Variants in SUGCT observed in about 807,000 individuals in gnomAD.
SUGCT encodes the protein succinyl-CoA:glutarate CoA-transferase.
A neutral mutation model predicts 55.0 loss-of-function variants in SUGCT; 41 were observed. That is an observed-to-expected ratio of 0.74 (90% CI 0.58 to 0.97). The LOEUF (loss-of-function observed/expected upper bound fraction) is 0.97. Among genes scored for constraint, SUGCT ranks in the 50% least tolerant of loss-of-function variants. SUGCT has a pLI of 0.00. For synonymous variants in SUGCT, 187 were observed against 200.4 expected (o/e 0.93, Z 0.56); for missense variants, 568 against 547.8 (o/e 1.04, Z -0.37).
In SUGCT at chr7:40,235,310, T is replaced by G. The variant is rs373058065; in HGVS notation, c.485-2325T>G. Among the ~76,000 whole-genome samples the G allele has an allele frequency of 8.7e-4, 133 of 152,256 alleles. No homozygotes were observed. The South Asian group carries it at 0.026, about 30-fold the overall frequency. On this transcript the variant is annotated intron_variant, in intron 6 of 13. Coordinates refer to ENST00000335693, the MANE Select transcript of SUGCT (RefSeq NM_001193313.2). ...TTTTATTTATTTACTTTTTATAGAT[T>G]GTTTTTGAAAAAAATTTTTGTTATT...
At chr7:40,840,104 C>T (rs1282518446) in intron 13 of SUGCT, among the ~76,000 whole-genome samples, 2 of 152,112 alleles carry the variant, frequency 1.3e-5, no homozygotes, top group Non-Finnish European at 2.9e-5. Flanking sequence ...AGTTTTCTAG[C>T]ATGCCAACTC....
At chr7:40,511,061 C>T (rs1193391482) in intron 12 of SUGCT, among the ~76,000 whole-genome samples, 1 of 152,134 alleles carries the variant, frequency 6.6e-6, no homozygotes, top group Non-Finnish European at 1.5e-5. Context: ...AGTGCTGTTG[C>T]TGTGTACATA....
At chr7:40,875,566 C>A in the SUGCT span, among the ~76,000 whole-genome samples, 1 of 152,218 alleles carries the variant, frequency 6.6e-6, no homozygotes, top group African/African-American at 2.4e-5. Context: ...CACTAGAAAT[C>A]AACCTGAAGT....
At chr7:40,356,140 AT>A (rs1797877330) in intron 9 of SUGCT, among the ~76,000 whole-genome samples, 2 of 152,250 alleles carry the variant, frequency 1.3e-5, no homozygotes, top group South Asian at 4.1e-4. Context: ...TCATGTGGGA[AT>A]GGAAATCTCA....
intron 11 of SUGCT, among the ~76,000 whole-genome samples, chr7:40,473,483 A>G (rs1017484653): frequency 6.6e-6 from 1 of 152,076 alleles, no homozygotes; most frequent in Admixed American, 6.6e-5. Flanking sequence ...TTCCCACTCC[A>G]TGTTTCTAAG....
At chr7:40,546,795 T>C in intron 12 of SUGCT, 1 of 152,242 alleles carries the variant, frequency 6.6e-6, no homozygotes, top group East Asian at 1.9e-4. Context: ...TTTTCACGGA[T>C]TCCACCCCAG....
intron 12 of SUGCT, among the ~76,000 whole-genome samples, chr7:40,726,874 A>G (rs1170835978): frequency 1.3e-5 from 2 of 152,206 alleles, no homozygotes; most frequent in Non-Finnish European, 2.9e-5. Context: ...GTGCACTAAG[A>G]CAACAAAGAA....
chr7:40,201,096 A>G (rs1054446121), intron 6 of SUGCT, among the ~76,000 whole-genome samples: 17 of 152,214 alleles, frequency 1.1e-4, no homozygotes, highest in Non-Finnish European at 1.8e-4. Context: ...TTAGAATAGG[A>G]TCTGCAAATC....
intron 12 of SUGCT, among the ~76,000 whole-genome samples, chr7:40,689,817 A>G (rs1030602591): frequency 2.0e-5 from 3 of 152,132 alleles, no homozygotes; most frequent in African/African-American, 7.2e-5. Flanking sequence ...TGAGTGAGTC[A>G]TAAGGATTAG....
At chr7:40,480,746 ATTG>A (rs1163543102) in intron 11 of SUGCT, among the ~76,000 whole-genome samples, 3 of 151,256 alleles carry the variant, frequency 2.0e-5, no homozygotes, top group Admixed American at 1.3e-4. Flanking sequence ...TTTTTTCCCT[ATTG>A]TTTAATTTTA....
chr7:40,721,160 C>A (rs1250302470), intron 12 of SUGCT, among the ~76,000 whole-genome samples: 1 of 152,144 alleles, frequency 6.6e-6, no homozygotes, highest in Non-Finnish European at 1.5e-5. Context: ...AAAGCAGAAC[C>A]CAAACAGTCC....
intron 3 of SUGCT, among the ~76,000 whole-genome samples, chr7:40,185,338 G>T (rs538400648): frequency 2.6e-5 from 4 of 152,080 alleles, no homozygotes; most frequent in Non-Finnish European, 4.4e-5. Flanking sequence ...GGCCACCAGG[G>T]TAACATTTGT....
At chr7:40,954,980 CT>C in the SUGCT span, among the ~76,000 whole-genome samples, 3 of 152,112 alleles carry the variant, frequency 2.0e-5, no homozygotes, top group African/African-American at 7.2e-5. Flanking sequence ...GGTCTCTGTT[CT>C]GTTCAATTGG....
chr7:40,892,952 G>C, the SUGCT span, among the ~76,000 whole-genome samples: 4 of 152,162 alleles, frequency 2.6e-5, no homozygotes, highest in Non-Finnish European at 5.9e-5. Flanking sequence ...AGGCACACAG[G>C]TGGAAAGAGA....
At chr7:40,841,298 C>T (rs1793269913) in intron 13 of SUGCT, among the ~76,000 whole-genome samples, 1 of 152,110 alleles carries the variant, frequency 6.6e-6, no homozygotes, top group African/African-American at 2.4e-5. Context: ...TCTGAGACTA[C>T]ATCTTCCTGT....
intron 11 of SUGCT, among the ~76,000 whole-genome samples, chr7:40,468,174 C>T (rs1211354141): frequency 1.3e-5 from 2 of 152,020 alleles, no homozygotes; most frequent in Non-Finnish European, 2.9e-5. Context: ...TAATAGCCTC[C>T]ACGAAAAGCT....
chr7:40,406,291 A>G (rs1786367751), intron 9 of SUGCT, among the ~76,000 whole-genome samples: 1 of 152,092 alleles, frequency 6.6e-6, no homozygotes. Context: ...GTAATATTAT[A>G]TATAGGAGTA....
chr7:40,144,436 C>G (rs558843350), intron 1 of SUGCT, among the ~76,000 whole-genome samples: 1 of 152,024 alleles, frequency 6.6e-6, no homozygotes, highest in East Asian at 1.9e-4. Flanking sequence ...GAGGGGGCGG[C>G]GCTTTCTTGA....
At chr7:40,503,331 T>G (rs1456168883) in intron 12 of SUGCT, among the ~76,000 whole-genome samples, 3 of 152,166 alleles carry the variant, frequency 2.0e-5, no homozygotes, top group Non-Finnish European at 1.5e-5. Context: ...TTCTGAAATT[T>G]TTTAGCAAGT....
Sources: allele counts gnomAD v4.1 joint callset (sites outside exome capture counted in the v4.1 genomes callset), GRCh38; gene constraint gnomAD v4.1.1; transcripts MANE v1.5; gene names NCBI Gene and HGNC (gene_info 2026-07-23, HGNC 2026-07-21).